The following NPEPL1 variants were observed in gnomAD, a reference collection of about 807,000 sequenced individuals.
The protein encoded by NPEPL1 is probable aminopeptidase NPEPL1.
Under a neutral mutation model 52.4 loss-of-function variants are expected in NPEPL1, and 45 were observed. That is an observed-to-expected ratio of 0.86 (90% CI 0.68 to 1.10). NPEPL1 has a LOEUF of 1.10. NPEPL1 is among the 50% of genes least tolerant of loss of function. The pLI is 0.00. For synonymous variants in NPEPL1, 360 were observed against 314.7 expected, an observed-to-expected ratio of 1.14 and a Z score of -1.52; for missense variants, 696 against 710.9, an observed-to-expected ratio of 0.98 and a Z score of 0.24.
rs2123154658 is a variant in NPEPL1, at chr20:58,713,573, T to C, written c.1125+30T>C. 1 of 1,558,940 alleles carries C rather than the reference T, an allele frequency of 6.4e-7. No individual in the cohort carries two copies. Among genetic ancestry groups the C allele is most frequent in the East Asian group, 2.3e-5 (1 of 43,434 alleles). On this transcript the variant is annotated intron_variant, in intron 9 of 11. Transcript: ENST00000356091. The surrounding 1 kb of genome is among the most constrained non-coding windows in gnomAD (Gnocchi z 4.6). ...GTGCTCCCTGGATCCACCCCTTAGCTGTAGTCCCAGGGAACCCCACCCCAC... is the reference window on the plus strand; with the variant it reads ...GTGCTCCCTGGATCCACCCCTTAGCCGTAGTCCCAGGGAACCCCACCCCAC...
intron 7 of NPEPL1, among the ~76,000 whole-genome samples, chr20:58,709,293 G>A (rs570150232): frequency 1.3e-5 from 2 of 152,008 alleles, no homozygotes; most frequent in African/African-American, 4.8e-5. Flanking sequence ...AAAGGAATAC[G>A]CCTCTGTCTG....
chr20:58,704,961 TGTTG>T (rs1171849571), intron 6 of NPEPL1, among the ~76,000 whole-genome samples: 1 of 152,168 alleles, frequency 6.6e-6, no homozygotes, highest in Non-Finnish European at 1.5e-5. Context: ...ACTTGAAAAA[TGTTG>T]GTTCACAGAG....
chr20:58,715,088 C>T, intron 11 of NPEPL1, 80 bp from the exon 12 acceptor site: 2 of 1,467,522 alleles, frequency 1.4e-6, no homozygotes, highest in South Asian at 1.3e-5. Flanking sequence ...GGAGGGGACC[C>T]AGGAGGTGAG....
rs1022102306 is a variant in NPEPL1, at chr20:58,713,276, G to A, written c.1002-144G>A. On this transcript the variant is annotated intron_variant, in intron 8 of 11. Coordinates refer to ENST00000356091, the MANE Select transcript of NPEPL1 (RefSeq NM_024663.4). This position sits in a 1 kb window ranked among gnomAD's most constrained non-coding sequence, Gnocchi z 4.6. The stretch of plus-strand genomic sequence containing the variant: ...TTGCTGTAGGGACTGGGGGCATCCC[G>A]GCCTTCCCATTCAGGGAACGTGTTG... 2.4e-5 allele frequency: 26 copies of A among 1,093,458 alleles called. 1 individual carries two copies. The South Asian group carries it at 2.6e-4, about 11-fold the overall frequency. The allele number at this position is 1,093,458 out of a possible 1,614,324, so 67.7% of individuals were successfully genotyped here.
chr20:58,702,356 T>C (rs1167836554), intron 6 of NPEPL1, among the ~76,000 whole-genome samples: 1 of 152,194 alleles, frequency 6.6e-6, no homozygotes. Flanking sequence ...GCTGCCTTCC[T>C]GACACTGAGC....
chr20:58,693,083 G>C lies in NPEPL1; in HGVS notation c.150+33G>C, dbSNP rs915188635. 6.0e-6 allele frequency: 6 copies of C among 1,000,798 alleles called. No individual in the cohort carries two copies. The African/African-American group carries it at 8.8e-5, about 15-fold the overall frequency. 62.0% of individuals were successfully genotyped at this position (1,000,798 alleles called of 1,614,324 possible). A position where few individuals can be genotyped will look rare whatever the true frequency, so the allele number is the denominator to read the frequency against. ...GGCCGCCGGCCGCCATGCGACCCGC[G>C]CCGCGGAAGCCCAGGCCCGGGCGGC... On this transcript the variant is annotated intron_variant, in intron 1 of 11. Coordinates refer to ENST00000356091, the MANE Select transcript of NPEPL1 (RefSeq NM_024663.4).
chr20:58,701,597 G>C (rs1225997859), intron 6 of NPEPL1, among the ~76,000 whole-genome samples: 1 of 152,140 alleles, frequency 6.6e-6, no homozygotes, highest in Non-Finnish European at 1.5e-5. Flanking sequence ...CCCAAGAGCA[G>C]CCCCGGAAAT....
chr20:58,701,362 C>T (rs1442538476), intron 6 of NPEPL1, among the ~76,000 whole-genome samples: 1 of 79,386 alleles, frequency 1.3e-5, no homozygotes, highest in East Asian at 3.2e-4. Flanking sequence ...GCAGGCTCTC[C>T]AGGGTGCCCT....
At chr20:58,714,790 C>T in intron 11 of NPEPL1, 120 bp downstream of exon 11, 1 of 794,542 alleles carries the variant, frequency 1.3e-6, no homozygotes. Context: ...GACCCAGCTT[C>T]CAGCCCGCTG....
intron 3 of NPEPL1, among the ~76,000 whole-genome samples, chr20:58,695,040 CTGTGTATGTTTGCTG>C (rs1568847579): frequency 0.019 from 102 of 5,370 alleles, no homozygotes; most frequent in Non-Finnish European, 0.021. Flanking sequence ...GTATGTGTTG[CTGTGTATGTTTGCTG>C]GTGTGTGCAT....
chr20:58,693,008 G>C lies in NPEPL1; in HGVS notation c.108G>C (p.Trp36Cys). 2.7e-6 allele frequency: 3 copies of C among 1,123,010 alleles called. No individual in the cohort carries two copies. Among genetic ancestry groups the C allele is most frequent in the Non-Finnish European group, 3.3e-6 (3 of 906,366 alleles). 69.6% of individuals were successfully genotyped at this position (1,123,010 alleles called of 1,614,324 possible). The change falls in exon 1 of 12, where the codon TGG (tryptophan) becomes TGC (cysteine). Residue 36 changes from tryptophan (W) to cysteine (C), a missense_variant. By Grantham distance (215) the Trp-to-Cys change is radical (BLOSUM62 -2). Coordinates refer to ENST00000356091, the MANE Select transcript of NPEPL1 (RefSeq NM_024663.4). ...TGCACCACCTGCACCGCGTGCCCTG[G>C]AGCCACGTCCGCGGGAAGCTGCAGC... ...GQLHHLHRVP[W>C]SHVRGKLQPR...
At chr20:58,693,452 A>C (rs999537567) in intron 1 of NPEPL1, 1 of 340,292 alleles carries the variant, frequency 2.9e-6, no homozygotes, top group Non-Finnish European at 5.3e-6. Context: ...TCTCTGGTGG[A>C]AGCCGCCTAA....
chr20:58,704,266 G>C, intron 6 of NPEPL1: 1 of 982,962 alleles, frequency 1.0e-6, no homozygotes, highest in South Asian at 4.7e-5. Context: ...GCTGGAGCCA[G>C]CCCAGCTCCC....
chr20:58,704,801 CA>C (rs1320232016), intron 6 of NPEPL1, among the ~76,000 whole-genome samples: 2 of 152,220 alleles, frequency 1.3e-5, no homozygotes, highest in Non-Finnish European at 2.9e-5. Context: ...TTTGCTACTA[CA>C]CCAAAACTCA....
At position 58,709,638 on chromosome 20, in the gene NPEPL1, C is replaced by A. The variant is rs368419765; in HGVS notation, c.900+2438C>A. On this transcript the variant is annotated intron_variant, in intron 7 of 11. Transcript: ENST00000356091. ...CCCAGCCTAACCAGGTGTCCCAGGGCATGTCACCAGGGCAGGGACAGAGCC... is the reference window on the plus strand; with the variant it reads ...CCCAGCCTAACCAGGTGTCCCAGGGAATGTCACCAGGGCAGGGACAGAGCC... Among the ~76,000 whole-genome samples the A allele has an allele frequency of 8.5e-5, 13 of 152,236 alleles. No homozygotes were observed. The East Asian group carries it at 1.9e-3, about 23-fold the overall frequency.
At chr20:58,694,829 C>T (rs149844892) in intron 3 of NPEPL1, among the ~76,000 whole-genome samples, 271 of 152,332 alleles carry the variant, frequency 1.8e-3, no homozygotes, top group South Asian at 5.2e-3. Context: ...TTGTTGAGCA[C>T]GTAATCAGTG....
chr20:58,712,353 G>A, intron 7 of NPEPL1, 126 bp from the exon 8 acceptor site: 1 of 668,178 alleles, frequency 1.5e-6, no homozygotes, highest in South Asian at 1.7e-5. Flanking sequence ...GCGAGCTTTG[G>A]TCCCTGCAAC....
At chr20:58,699,799 C>T (rs1272526527) in intron 5 of NPEPL1, among the ~76,000 whole-genome samples, 1 of 152,212 alleles carries the variant, frequency 6.6e-6, no homozygotes, top group Admixed American at 6.5e-5. Context: ...AAGTATGACT[C>T]AGCTGCCCCG....
chr20:58,691,728 G>GTTTT, upstream of NPEPL1: 2 of 790,196 alleles, frequency 2.5e-6, no homozygotes, highest in Non-Finnish European at 4.0e-6. Context: ...TTTTAGGCTG[G>GTTTT]TTATGAAGAA....
Sources: gnomAD v4.1 joint callset for allele counts (sites outside exome capture counted in the v4.1 genomes callset) on GRCh38, gnomAD v4.1.1 for gene constraint, Gnocchi (gnomAD v3.1) non-coding constraint, MANE v1.5 for transcripts, NCBI Gene and HGNC (gene_info 2026-07-23, HGNC 2026-07-21) for gene names.